The following RDX variants were observed in gnomAD, a reference collection of about 807,000 sequenced individuals.
The protein encoded by RDX is deafness, autosomal recessive 24.
RDX carries 32 observed loss-of-function variants against 83.7 expected under a neutral mutation model. The ratio of observed to expected loss-of-function variants is 0.38; its 90% confidence interval spans 0.29 to 0.51. The LOEUF (loss-of-function observed/expected upper bound fraction) is 0.51. Among genes scored for constraint, RDX ranks in the 20% least tolerant of loss-of-function variants. The probability of loss-of-function intolerance (pLI) is 0.87; values close to 1 mark genes in which losing one functional copy is unlikely to be tolerated. For synonymous variants in RDX, 229 were observed against 222.7 expected, an observed-to-expected ratio of 1.03 and a Z score of -0.25; for missense variants, 600 against 689.9, an observed-to-expected ratio of 0.87 and a Z score of 1.46.
At chr11:110,243,218 A>T (rs1017504869) in intron 10 of RDX, among the ~76,000 whole-genome samples, 7 of 152,266 alleles carry the variant, frequency 4.6e-5, no homozygotes, top group Admixed American at 1.3e-4. Flanking sequence ...CCAAAATTTT[A>T]AAAAAAGAAA....
At chr11:110,255,139 T>C (rs531697228) in intron 8 of RDX, 150 bp downstream of exon 8, 43 of 527,578 alleles carry the variant, frequency 8.2e-5, no homozygotes, top group Admixed American at 6.6e-4. Context: ...TATTAACATA[T>C]TATTTCATCA....
rs1021098738 is a variant in RDX, at chr11:110,203,777, G to A, written c.1749-4099C>T. Among the ~76,000 whole-genome samples the A allele has an allele frequency of 4.6e-5, 7 of 151,956 alleles. No homozygotes were observed. In the South Asian group the frequency reaches 1.2e-3, roughly 27 times the overall value. ...ACGGTTGGTTACCTCAATATACTCA[G>A]AAATTGCGTTTAATAAATTTAAAAC... On this transcript the variant is annotated intron_variant, in intron 14 of 15. Transcript: ENST00000528498.
At chr11:110,193,370 C>T (rs949925590) in intron 15 of RDX, among the ~76,000 whole-genome samples, 1 of 151,954 alleles carries the variant, frequency 6.6e-6, no homozygotes, top group Non-Finnish European at 1.5e-5. Flanking sequence ...CCACTAGAGA[C>T]GGGAGAGAGG....
At chr11:110,191,352 A>C (rs1863099907) in intron 15 of RDX, among the ~76,000 whole-genome samples, 1 of 152,274 alleles carries the variant, frequency 6.6e-6, no homozygotes, top group South Asian at 2.1e-4. Flanking sequence ...AGATGCAGAA[A>C]AATCTTTTGA....
intron 10 of RDX, among the ~76,000 whole-genome samples, chr11:110,243,300 C>T (rs1237072876): frequency 2.0e-5 from 3 of 152,152 alleles, no homozygotes; most frequent in African/African-American, 7.2e-5. Context: ...GGATACTCAA[C>T]CTGTATATTC....
chr11:110,206,768 A>G (rs1863620799), intron 14 of RDX, among the ~76,000 whole-genome samples: 1 of 152,202 alleles, frequency 6.6e-6, no homozygotes. Flanking sequence ...TGTTCCAAAT[A>G]TCTTTGGTCT....
rs958228728 is a variant in RDX, at chr11:110,280,598, T to C, written c.-64-842A>G. ...AAATATGAATGGAGAAAAATATGAA[T>C]AGCTTATTCACCCAATGTGTATGAA... On this transcript the variant is annotated intron_variant, in intron 1 of 13. Coordinates refer to ENST00000645495, the MANE Select transcript of RDX (RefSeq NM_002906.4). Among the ~76,000 whole-genome samples the C allele has an allele frequency of 2.6e-5, 4 of 152,350 alleles. No individual in the cohort carries two copies. The South Asian group carries it at 8.3e-4, about 32-fold the overall frequency.
chr11:110,185,424 GCCAAGTGTTC>G (rs1220255122), intron 15 of RDX: 2 of 152,188 alleles, frequency 1.3e-5, no homozygotes, highest in African/African-American at 4.8e-5. Flanking sequence ...CCTTCTCTTA[GCCAAGTGTTC>G]CTTGGGTCTT....
At chr11:110,252,698 A>T (rs1159327566) in intron 9 of RDX, among the ~76,000 whole-genome samples, 1 of 152,262 alleles carries the variant, frequency 6.6e-6, no homozygotes, top group Non-Finnish European at 1.5e-5. Flanking sequence ...ATTTAAGATT[A>T]GAACCACAAT....
intron 5 of RDX, among the ~76,000 whole-genome samples, chr11:110,259,996 T>C (rs1037857365): frequency 2.6e-5 from 4 of 152,026 alleles, no homozygotes; most frequent in Non-Finnish European, 5.9e-5. Flanking sequence ...TCTTTTTTTT[T>C]TTTTCTTTAG....
chr11:110,277,993 G>A (rs182228462), intron 2 of RDX, among the ~76,000 whole-genome samples: 1 of 152,242 alleles, frequency 6.6e-6, no homozygotes, highest in Non-Finnish European at 1.5e-5. Flanking sequence ...AACAGTCAAT[G>A]TTCATGTTTT....
chr11:110,241,242 T>A (rs1282207326), intron 10 of RDX, among the ~76,000 whole-genome samples: 6 of 152,180 alleles, frequency 3.9e-5, no homozygotes, highest in Admixed American at 2.6e-4. Flanking sequence ...CATTTTAGAA[T>A]CTGCCTTCTA....
intron 15 of RDX, among the ~76,000 whole-genome samples, chr11:110,186,105 C>A (rs541819593): frequency 5.3e-5 from 8 of 152,324 alleles, no homozygotes; most frequent in African/African-American, 1.7e-4. Context: ...TAGAACTTGA[C>A]CAGGACTGAC....
chr11:110,279,748 T>A lies in RDX; in HGVS notation c.-56A>T. On this transcript the variant is annotated 5_prime_UTR_variant, in exon 2 of 14. Coordinates refer to ENST00000645495, the MANE Select transcript of RDX (RefSeq NM_002906.4). Reference sequence around the variant, plus strand: ...AATTCTCCACTTCAATGAATTCTGTTATCACTTTCTGTTAAAAAAAAAAAA... The same window carrying A: ...AATTCTCCACTTCAATGAATTCTGTAATCACTTTCTGTTAAAAAAAAAAAA... The A allele has an allele frequency of 8.9e-7, 1 of 1,118,246 alleles. No homozygotes were observed. The highest frequency in any genetic ancestry group is 1.3e-6 in the Non-Finnish European group (1 of 747,240). The allele number at this position is 1,118,246 out of a possible 1,614,324, so 69.3% of individuals were successfully genotyped here. A position where few individuals can be genotyped will look rare whatever the true frequency, so the allele number is the denominator to read the frequency against.
At chr11:110,281,844 C>A (rs1031997668) in intron 1 of RDX, among the ~76,000 whole-genome samples, 2 of 149,154 alleles carry the variant, frequency 1.3e-5, no homozygotes, top group South Asian at 4.4e-4. Flanking sequence ...CGATAGCTCA[C>A]GTGTGTAATT....
At chr11:110,199,743 G>A in intron 14 of RDX, 1 of 702,620 alleles carries the variant, frequency 1.4e-6, no homozygotes, top group South Asian at 1.5e-5. Context: ...GAAGCTGAAT[G>A]GGCAGGCTGA....
At chr11:110,283,924 G>C (rs1262757733) in intron 1 of RDX, among the ~76,000 whole-genome samples, 1 of 151,956 alleles carries the variant, frequency 6.6e-6, no homozygotes, top group Non-Finnish European at 1.5e-5. Context: ...GTAATCAAAT[G>C]GTTAAATATA....
chr11:110,231,032 G>A lies in RDX; in HGVS notation c.*837C>T, dbSNP rs1324913339. ...ACTAATCATTTGTTTTTCTAAATCA[G>A]TCTATAAAAGAACAAAACTTTTAAA... On this transcript the variant is annotated 3_prime_UTR_variant, in exon 14 of 14. Transcript: ENST00000645495. The A allele has an allele frequency of 1.3e-5, 2 of 152,368 alleles. No individual in the cohort carries two copies. The highest frequency in any genetic ancestry group is 2.9e-5 in the Non-Finnish European group (2 of 67,980). The allele number at this position is 152,368 out of a possible 1,614,324, so 9.4% of individuals were successfully genotyped here.
chr11:110,212,008 G>C (rs1162584720), intron 14 of RDX, among the ~76,000 whole-genome samples: 2 of 141,286 alleles, frequency 1.4e-5, no homozygotes, highest in Non-Finnish European at 3.1e-5. Context: ...AGGAAATAGA[G>C]ACACAAAAAA....
Sources: allele counts gnomAD v4.1 joint callset (sites outside exome capture counted in the v4.1 genomes callset), GRCh38; gene constraint gnomAD v4.1.1; transcripts MANE v1.5; gene names NCBI Gene and HGNC (gene_info 2026-07-23, HGNC 2026-07-21).